GTF2I: variants seen among roughly 807,000 people sequenced by gnomAD.
GTF2I encodes general transcription factor II-I.
GTF2I carries 12 observed loss-of-function variants against 67.6 expected under a neutral mutation model. The observed-to-expected ratio is 0.18, with a 90% CI of 0.11 to 0.29. The LOEUF (loss-of-function observed/expected upper bound fraction) is 0.29, where lower values mean the gene tolerates loss of function less well. Among genes scored for constraint, GTF2I ranks in the 10% least tolerant of loss-of-function variants. The pLI is 1.00. For synonymous variants in GTF2I, 149 were observed against 197.0 expected, an observed-to-expected ratio of 0.76 and a Z score of 2.04; for missense variants, 271 against 580.1, an observed-to-expected ratio of 0.47 and a Z score of 5.47.
intron 14 of GTF2I, 70 bp from the exon 15 acceptor site, chr7:74,732,409 T>C (rs1794586002): frequency 3.0e-6 from 4 of 1,348,896 alleles, no homozygotes; most frequent in Non-Finnish European, 3.9e-6. Flanking sequence ...GCACTACAGA[T>C]TCAATGATTT....
chr7:74,708,021 C>T (rs1237646994), intron 8 of GTF2I, among the ~76,000 whole-genome samples: 3 of 152,052 alleles, frequency 2.0e-5, no homozygotes, highest in Non-Finnish European at 4.4e-5. Flanking sequence ...GATTGTTGGC[C>T]GGGTGCAGTG....
At chr7:74,688,229 C>G (rs1787918917) in intron 1 of GTF2I, among the ~76,000 whole-genome samples, 1 of 152,064 alleles carries the variant, frequency 6.6e-6, no homozygotes, top group African/African-American at 2.4e-5. Context: ...CAGGCGCCCA[C>G]CACCCTGCCT....
At chr7:74,721,883 C>T (rs587684488) in intron 12 of GTF2I, among the ~76,000 whole-genome samples, 1 of 151,218 alleles carries the variant, frequency 6.6e-6, no homozygotes, top group Non-Finnish European at 1.5e-5. Flanking sequence ...GCCTTGAGAA[C>T]AAGGCAACTT....
chr7:74,672,137 G>T (rs1805514524), intron 1 of GTF2I, among the ~76,000 whole-genome samples: 2 of 151,988 alleles, frequency 1.3e-5, no homozygotes, highest in Non-Finnish European at 2.9e-5. Flanking sequence ...AAAGTCAAAT[G>T]AACTAAAATG....
intron 2 of GTF2I, among the ~76,000 whole-genome samples, 173 bp from the exon 3 acceptor site, chr7:74,690,800 G>A (rs1215849040): frequency 6.6e-6 from 1 of 151,952 alleles, no homozygotes; most frequent in African/African-American, 2.4e-5. Flanking sequence ...CAAGGGAATT[G>A]TGTTTTTTTT....
At chr7:74,680,923 C>T (rs1434572002) in intron 1 of GTF2I, among the ~76,000 whole-genome samples, 1 of 152,142 alleles carries the variant, frequency 6.6e-6, no homozygotes, top group East Asian at 1.9e-4. Flanking sequence ...GGATCTCCAA[C>T]AGGAAACTCG....
At chr7:74,688,596 A>T (rs1200692293) in intron 1 of GTF2I, among the ~76,000 whole-genome samples, 3 of 152,190 alleles carry the variant, frequency 2.0e-5, no homozygotes, top group Non-Finnish European at 2.9e-5. Context: ...TGCTGGGATG[A>T]TAGGCATGAG....
intron 1 of GTF2I, among the ~76,000 whole-genome samples, chr7:74,662,569 C>CG (rs1804618183): frequency 7.5e-6 from 1 of 133,176 alleles, no homozygotes; most frequent in Admixed American, 8.6e-5. Context: ...ATCGCCCAGG[C>CG]GGGAGTGTAG....
At chr7:74,706,975 G>A (rs782694821) in intron 8 of GTF2I, among the ~76,000 whole-genome samples, 35 of 152,064 alleles carry the variant, frequency 2.3e-4, no homozygotes, top group Non-Finnish European at 4.4e-5. Context: ...TCAGCCTCCC[G>A]AGTAGCTGGG....
At chr7:74,709,090 G>A (rs1554402075) in intron 8 of GTF2I, among the ~76,000 whole-genome samples, 1 of 152,126 alleles carries the variant, frequency 6.6e-6, no homozygotes, top group African/African-American at 2.4e-5. Context: ...CCAAACTATT[G>A]TGAAATACTA....
intron 1 of GTF2I, among the ~76,000 whole-genome samples, chr7:74,683,872 A>C (rs1236742029): frequency 1.3e-5 from 2 of 152,008 alleles, no homozygotes; most frequent in East Asian, 1.9e-4. Flanking sequence ...GAAAAAAAAA[A>C]CTTAAAAACT....
At chr7:74,669,414 G>A (rs587604308) in intron 1 of GTF2I, among the ~76,000 whole-genome samples, 2 of 150,932 alleles carry the variant, frequency 1.3e-5, no homozygotes, top group South Asian at 4.2e-4. Context: ...TTTTTTGGTA[G>A]AGAACGAGGT....
chr7:74,680,099 A>AAAAAAAT, intron 1 of GTF2I, among the ~76,000 whole-genome samples: 7 of 94,988 alleles, frequency 7.4e-5, no homozygotes, highest in East Asian at 5.0e-4. Context: ...AAAAAAAAAA[A>AAAAAAAT]ATATATATAT....
At chr7:74,712,683 G>T (rs1554402871) in intron 9 of GTF2I, among the ~76,000 whole-genome samples, 1 of 150,080 alleles carries the variant, frequency 6.7e-6, no homozygotes, top group African/African-American at 2.5e-5. Flanking sequence ...GTGGGGGTGG[G>T]GATGGATTTT....
At chr7:74,715,420 A>T (rs1215701899) in intron 10 of GTF2I, among the ~76,000 whole-genome samples, 1 of 152,052 alleles carries the variant, frequency 6.6e-6, no homozygotes, top group Non-Finnish European at 1.5e-5. Context: ...AGTGCATAAG[A>T]TGTATTTTCT....
intron 4 of GTF2I, 35 bp downstream of exon 4, chr7:74,699,130 C>T (rs1789375782): frequency 2.5e-6 from 3 of 1,220,686 alleles, no homozygotes; most frequent in Non-Finnish European, 3.4e-6. Context: ...CTAAAAGATA[C>T]ATTATATAAT....
intron 9 of GTF2I, among the ~76,000 whole-genome samples, chr7:74,711,703 C>T (rs117026326): frequency 0.014 from 2,112 of 152,172 alleles, 52 homozygotes; most frequent in East Asian, 0.094. Context: ...TTTCATGGGC[C>T]GGGGAGCAGT....
intron 12 of GTF2I, among the ~76,000 whole-genome samples, chr7:74,725,088 A>G (rs2131481703): frequency 6.6e-6 from 1 of 152,328 alleles, no homozygotes; most frequent in Middle Eastern, 3.4e-3. Flanking sequence ...TGGAAGAGCA[A>G]TGCCCAGTAT....
At chr7:74,672,095 A>G (rs1805510798) in intron 1 of GTF2I, among the ~76,000 whole-genome samples, 1 of 152,126 alleles carries the variant, frequency 6.6e-6, no homozygotes, top group Non-Finnish European at 1.5e-5. Flanking sequence ...TGTATGAGTT[A>G]TATATATTCA....
Sources: gnomAD v4.1 joint callset for allele counts (sites outside exome capture counted in the v4.1 genomes callset) on GRCh38, gnomAD v4.1.1 for gene constraint, MANE v1.5 for transcripts, NCBI Gene and HGNC (gene_info 2026-07-23, HGNC 2026-07-21) for gene names.